Variants in TNNI3K observed in about 807,000 individuals in gnomAD.
TNNI3K encodes the protein serine/threonine-protein kinase TNNI3K.
Under a neutral mutation model 114.5 loss-of-function variants are expected in TNNI3K, and 140 were observed. The observed-to-expected ratio is 1.22, with a 90% CI of 1.07 to 1.41. The LOEUF (loss-of-function observed/expected upper bound fraction) is 1.41, where lower values mean the gene tolerates loss of function less well. Ranked by LOEUF, TNNI3K falls within the 40% of genes most tolerant of loss-of-function variation. The pLI is 0.00. For missense variants in TNNI3K, 1,125 were observed against 1,007.6 expected (o/e 1.12, Z -1.58); for synonymous variants, 347 against 347.5 (o/e 1.00, Z 0.02).
chr1:74,433,511 C>T (rs187949077), intron 17 of TNNI3K, among the ~76,000 whole-genome samples: 6 of 152,210 alleles, frequency 3.9e-5, no homozygotes, highest in African/African-American at 1.4e-4. Flanking sequence ...TGGACAAATC[C>T]AAGACTATCT....
At chr1:74,418,185 A>T in intron 17 of TNNI3K, 1 of 454,408 alleles carries the variant, frequency 2.2e-6, no homozygotes, top group Admixed American at 2.4e-5. Context: ...TGAACTATGT[A>T]TGTGATTGCT....
chr1:74,409,048 A>G (rs560954501), intron 17 of TNNI3K, among the ~76,000 whole-genome samples: 74 of 152,290 alleles, frequency 4.9e-4, no homozygotes, highest in African/African-American at 1.7e-3. Context: ...ATTCTATCAA[A>G]TAAAATTACA....
At chr1:74,379,795 A>G (rs1663105351) in intron 17 of TNNI3K, among the ~76,000 whole-genome samples, 1 of 152,020 alleles carries the variant, frequency 6.6e-6, no homozygotes, top group Admixed American at 6.6e-5. Context: ...TCTCCCCCCT[A>G]TACTTCACTA....
intron 11 of TNNI3K, among the ~76,000 whole-genome samples, chr1:74,362,340 G>A (rs1334018526): frequency 1.3e-5 from 2 of 152,128 alleles, no homozygotes; most frequent in East Asian, 1.9e-4. Flanking sequence ...GATGACCTGA[G>A]CATGTGAGAC....
chr1:74,321,530 C>T (rs1323219164), intron 5 of TNNI3K, among the ~76,000 whole-genome samples: 2 of 151,956 alleles, frequency 1.3e-5, no homozygotes, highest in Admixed American at 6.6e-5. Flanking sequence ...TCCTCCCTCT[C>T]TCTATCCATC....
chr1:74,236,332 C>CTTT, intron 2 of TNNI3K, 122 bp downstream of exon 2: 1 of 742,366 alleles, frequency 1.3e-6, no homozygotes, highest in Non-Finnish European at 2.1e-6. Context: ...ATGTTCTAAG[C>CTTT]CTTAGGATGT....
At chr1:74,320,738 T>C (rs1659561698) in intron 5 of TNNI3K, among the ~76,000 whole-genome samples, 1 of 152,198 alleles carries the variant, frequency 6.6e-6, no homozygotes, top group Middle Eastern at 3.2e-3. Flanking sequence ...TTGTGTCCCT[T>C]CTTATGTCTT....
At chr1:74,368,707 A>G (rs1347179523) in intron 13 of TNNI3K, among the ~76,000 whole-genome samples, 1 of 151,748 alleles carries the variant, frequency 6.6e-6, no homozygotes, top group Non-Finnish European at 1.5e-5. Flanking sequence ...GTAGATCAGG[A>G]ATAGACCCTT....
intron 4 of TNNI3K, among the ~76,000 whole-genome samples, chr1:74,254,451 C>G (rs1655151944): frequency 6.6e-6 from 1 of 152,272 alleles, no homozygotes; most frequent in African/African-American, 2.4e-5. Context: ...TGTAATCTCC[C>G]TTACTCTGAA....
At chr1:74,453,457 C>A (rs1003583759) in intron 20 of TNNI3K, among the ~76,000 whole-genome samples, 1 of 152,182 alleles carries the variant, frequency 6.6e-6, no homozygotes, top group South Asian at 2.1e-4. Context: ...CCATTTACAA[C>A]GAGGAACGAA....
intron 11 of TNNI3K, among the ~76,000 whole-genome samples, chr1:74,359,883 TG>T (rs1215456295): frequency 1.3e-5 from 2 of 151,954 alleles, no homozygotes; most frequent in African/African-American, 4.8e-5. Flanking sequence ...CATTTTTTTT[TG>T]TCCTCATGAT....
intron 9 of TNNI3K, among the ~76,000 whole-genome samples, chr1:74,352,669 A>C (rs1016623416): frequency 4.6e-5 from 7 of 152,160 alleles, no homozygotes; most frequent in Admixed American, 4.6e-4. Context: ...GGGCAATGGC[A>C]GGCGTCCCTC....
At chr1:74,351,685 T>C (rs1018551922) in intron 9 of TNNI3K, among the ~76,000 whole-genome samples, 8 of 152,218 alleles carry the variant, frequency 5.3e-5, no homozygotes, top group African/African-American at 1.9e-4. Flanking sequence ...CTGTTTTCTC[T>C]AAACTTCTCT....
rs763097114 is a variant in TNNI3K at position 74,369,466 on chromosome 1, C to T, written c.1548C>T (p.Leu516=). The part of the protein sequence containing the change: ...FCREVSILCQ[L]NHPCVIQFVG... ...GAGAGGTGTCCATTCTCTGCCAGCT[C>T]AATCATCCCTGCGTAATTCAGTTTG... Residue 516 remains leucine (L), a synonymous_variant, in exon 16 of 25, where the codon CTC becomes CTT. Transcript: ENST00000326637. 1.9e-6 allele frequency: 3 copies of T among 1,612,804 alleles called. No homozygotes were observed. The highest frequency in any genetic ancestry group is 2.5e-6 in the Non-Finnish European group (3 of 1,179,236).
chr1:74,481,799 A>T (rs149071704), intron 21 of TNNI3K, among the ~76,000 whole-genome samples: 13 of 152,336 alleles, frequency 8.5e-5, no homozygotes, highest in Non-Finnish European at 1.9e-4. Context: ...TATCATGCTA[A>T]CATTGTTTTG....
chr1:74,486,772 AGAG>A (rs138873943), intron 21 of TNNI3K, among the ~76,000 whole-genome samples: 2,382 of 152,226 alleles, frequency 0.016, 39 homozygotes, highest in Non-Finnish European at 0.024. Flanking sequence ...TGAAACCAAA[AGAG>A]GAGACTAAGA....
chr1:74,489,218 G>A lies in TNNI3K; in HGVS notation c.2151G>A (p.Met717Ile). Residue 717 changes from methionine (M) to isoleucine (I), a missense_variant, in exon 22 of 25, where the codon ATG (methionine) becomes ATA (isoleucine). Coordinates refer to ENST00000326637, the MANE Select transcript of TNNI3K (RefSeq NM_015978.3). ...GACCCGAATTTTCTGAAGTTGTCAT[G>A]AAGTTAGAAGAGTGTCTCTGCAACA... The part of the protein sequence containing the change: ...EGRPEFSEVV[M>I]KLEECLCNIE... 1 of 1,611,930 alleles carries A rather than the reference G, an allele frequency of 6.2e-7. No individual in the cohort carries two copies. Among genetic ancestry groups the A allele is most frequent in the Non-Finnish European group, 8.5e-7 (1 of 1,179,138 alleles).
At chr1:74,456,146 A>C (rs948422313) in intron 20 of TNNI3K, among the ~76,000 whole-genome samples, 2 of 152,224 alleles carry the variant, frequency 1.3e-5, no homozygotes, top group Non-Finnish European at 2.9e-5. Flanking sequence ...CTATTACGTT[A>C]ACTGAAGCAG....
At chr1:74,393,357 T>C (rs1663895692) in intron 17 of TNNI3K, among the ~76,000 whole-genome samples, 1 of 151,966 alleles carries the variant, frequency 6.6e-6, no homozygotes. Flanking sequence ...CAGCATACCA[T>C]ATAATTTAAA....
Sources: allele counts gnomAD v4.1 joint callset (sites outside exome capture counted in the v4.1 genomes callset), GRCh38; gene constraint gnomAD v4.1.1; transcripts MANE v1.5; gene names NCBI Gene and HGNC (gene_info 2026-07-23, HGNC 2026-07-21).